TPD52: variants seen among roughly 807,000 people sequenced by gnomAD.
TPD52 encodes tumor protein D52.
Under a neutral mutation model 31.3 loss-of-function variants are expected in TPD52, and 17 were observed. The ratio of observed to expected loss-of-function variants is 0.54; its 90% confidence interval spans 0.37 to 0.82. TPD52 has a LOEUF of 0.82. Among genes scored for constraint, TPD52 ranks in the 40% least tolerant of loss-of-function variants. The probability of loss-of-function intolerance (pLI) is 0.00; values close to 1 mark genes in which losing one functional copy is unlikely to be tolerated. For missense variants in TPD52, 212 were observed against 240.1 expected (o/e 0.88, Z 0.77); for synonymous variants, 83 against 89.6 (o/e 0.93, Z 0.42).
intron 1 of TPD52, among the ~76,000 whole-genome samples, chr8:80,072,574 T>G (rs1427955833): frequency 1.2e-5 from 1 of 80,110 alleles, no homozygotes; most frequent in Non-Finnish European, 2.3e-5. Context: ...CACATAGATA[T>G]GCGTGTATAT....
intron 1 of TPD52, among the ~76,000 whole-genome samples, chr8:80,110,583 TA>T (rs1468619914): frequency 1.8e-5 from 2 of 111,408 alleles, no homozygotes; most frequent in Non-Finnish European, 3.8e-5. Context: ...AATAAATAAA[TA>T]AATAAATGAA....
chr8:80,044,078 T>G (rs1193497819), intron 6 of TPD52, 89 bp downstream of exon 6: 15 of 1,125,354 alleles, frequency 1.3e-5, no homozygotes, highest in Non-Finnish European at 1.8e-5. Flanking sequence ...GGAATTCTAG[T>G]TCCCTAATTC....
chr8:80,074,507 G>A (rs749690901), intron 1 of TPD52, among the ~76,000 whole-genome samples: 32 of 152,174 alleles, frequency 2.1e-4, no homozygotes, highest in Non-Finnish European at 3.4e-4. Context: ...TCTCAGGCAC[G>A]GCACCACGGG....
At chr8:80,167,863 C>A (rs1427282225) in intron 1 of TPD52, among the ~76,000 whole-genome samples, 5 of 152,094 alleles carry the variant, frequency 3.3e-5, no homozygotes, top group Admixed American at 6.6e-5. Context: ...TAGTGGGCTA[C>A]GTGACTGTCA....
intron 1 of TPD52, among the ~76,000 whole-genome samples, chr8:80,156,158 C>G (rs1810960148): frequency 6.6e-6 from 1 of 152,150 alleles, no homozygotes; most frequent in Non-Finnish European, 1.5e-5. Context: ...CTAGGGGCAT[C>G]TGAAGGTGCA....
chr8:80,167,764 T>C (rs1811810674), intron 1 of TPD52, among the ~76,000 whole-genome samples: 1 of 152,240 alleles, frequency 6.6e-6, no homozygotes, highest in South Asian at 2.1e-4. Flanking sequence ...GCCTTTCCTC[T>C]CTAGTTTTTT....
At chr8:80,162,840 C>T (rs959668458) in intron 1 of TPD52, among the ~76,000 whole-genome samples, 1 of 149,748 alleles carries the variant, frequency 6.7e-6, no homozygotes, top group African/African-American at 2.5e-5. Context: ...GCAGGAGGAT[C>T]ACTTGAGCCC....
At chr8:80,067,334 A>G (rs890694595) in intron 1 of TPD52, 1 of 152,198 alleles carries the variant, frequency 6.6e-6, no homozygotes, top group Non-Finnish European at 1.5e-5. Context: ...GCAAATCATT[A>G]TCATTAAAAT....
chr8:80,052,750 A>G lies in TPD52; in HGVS notation c.284+532T>C. On this transcript the variant is annotated intron_variant, in intron 3 of 7. Coordinates refer to ENST00000518937, the MANE Select transcript of TPD52 (RefSeq NM_001025253.3). The stretch of plus-strand genomic sequence containing the variant: ...GTGTGGTCAAAAAGACAAAAAGCCT[A>G]AGGGATTGACCTCTGCCAAGAGCAT... 4.5e-6 allele frequency: 5 copies of G among 1,106,588 alleles called. No homozygotes were observed. In the South Asian group the frequency reaches 5.3e-5, roughly 12 times the overall value. The allele number at this position is 1,106,588 out of a possible 1,614,324, so 68.5% of individuals were successfully genotyped here.
rs2130406824 is a variant in TPD52, at chr8:80,042,943, G to A, written c.456-275C>T. 3 of 258,244 alleles carry A rather than the reference G, an allele frequency of 1.2e-5. No homozygotes were observed. The South Asian group carries it at 3.8e-4, about 33-fold the overall frequency. 16.0% of individuals were successfully genotyped at this position (258,244 alleles called of 1,614,324 possible). A position where few individuals can be genotyped will look rare whatever the true frequency, so the allele number is the denominator to read the frequency against. On this transcript the variant is annotated intron_variant, in intron 6 of 7. Coordinates refer to ENST00000518937, the MANE Select transcript of TPD52 (RefSeq NM_001025253.3). ...ATGGTCAAGTACGTGTGTAAGGAGA[G>A]GTAACGAAGCCGGGTAAAATAGCAA...
chr8:80,164,898 CAAAAAAAAAAAAAAAAAA>C (rs34027501), intron 1 of TPD52, among the ~76,000 whole-genome samples: 1 of 31,908 alleles, frequency 3.1e-5, no homozygotes, highest in African/African-American at 1.1e-4. Flanking sequence ...GACAATGTCT[CAAAAAAAAAAAAAAAAAA>C]AAAAAAAAAA....
At chr8:80,126,775 G>A (rs561146105) in intron 1 of TPD52, among the ~76,000 whole-genome samples, 3 of 152,052 alleles carry the variant, frequency 2.0e-5, no homozygotes, top group South Asian at 2.1e-4. Context: ...GAGCCACCAC[G>A]CCCAGCCAAA....
At chr8:80,141,829 G>C (rs1809848987) in intron 1 of TPD52, among the ~76,000 whole-genome samples, 1 of 151,982 alleles carries the variant, frequency 6.6e-6, no homozygotes, top group African/African-American at 2.4e-5. Flanking sequence ...AGAATCACTT[G>C]AACCCAGGAG....
intron 1 of TPD52, among the ~76,000 whole-genome samples, chr8:80,077,134 A>G (rs113197348): frequency 0.034 from 5,134 of 152,070 alleles, 127 homozygotes; most frequent in African/African-American, 0.069. Context: ...AATTAGCACG[A>G]TGTGGTGACG....
rs1190155495 is a variant in TPD52, at chr8:80,053,182, G to A, written c.284+100C>T. The A allele has an allele frequency of 2.3e-6, 3 of 1,325,736 alleles. No homozygotes were observed. The East Asian group carries it at 7.6e-5, about 34-fold the overall frequency. 82.1% of individuals were successfully genotyped at this position (1,325,736 alleles called of 1,614,324 possible). A position where few individuals can be genotyped will look rare whatever the true frequency, so the allele number is the denominator to read the frequency against. On this transcript the variant is annotated intron_variant, in intron 3 of 7. Transcript: ENST00000518937. ...GTGCCGTGTCGTCCAAAGAAAAGCT[G>A]CTGAAGCATCCTTATCCTCTTTTTC...
At position 80,150,843 on chromosome 8, in the gene TPD52, A is replaced by G. The variant is rs868437445; in HGVS notation, c.19+20582T>C. On this transcript the variant is annotated intron_variant, in intron 1 of 7. Coordinates refer to ENST00000518937, the MANE Select transcript of TPD52 (RefSeq NM_001025253.3). Reference sequence around the variant, plus strand: ...AGGTGGAAAGGACTTGCCTTGTCTCAGATGAGACTTTAGACCGTGGACTTT... The same window carrying G: ...AGGTGGAAAGGACTTGCCTTGTCTCGGATGAGACTTTAGACCGTGGACTTT... Among the ~76,000 whole-genome samples the G allele has an allele frequency of 3.3e-5, 5 of 152,360 alleles. No individual in the cohort carries two copies. In the Middle Eastern group the frequency reaches 0.017, roughly 518 times the overall value.
chr8:80,171,422 C>T lies in TPD52; in HGVS notation c.19+3G>A. 6 of 1,596,386 alleles carry T rather than the reference C, an allele frequency of 3.8e-6. No homozygotes were observed. Among genetic ancestry groups the T allele is most frequent in the Non-Finnish European group, 5.1e-6 (6 of 1,177,926 alleles). On this transcript the variant is annotated splice_donor_region_variant and intron_variant, in intron 1 of 7. Coordinates refer to ENST00000518937, the MANE Select transcript of TPD52 (RefSeq NM_001025253.3). ...CCCAAGCCCGCTGGGTCCGCGCCCT[C>T]ACCTTGCTCGCCGCGGTCCATGTCT...
At chr8:80,149,669 C>T (rs1056927033) in intron 1 of TPD52, among the ~76,000 whole-genome samples, 1 of 152,110 alleles carries the variant, frequency 6.6e-6, no homozygotes, top group Non-Finnish European at 1.5e-5. Context: ...TCCAGGCTGA[C>T]GTGGTTTCAG....
At chr8:80,145,675 T>C (rs1810143556) in intron 1 of TPD52, among the ~76,000 whole-genome samples, 1 of 152,154 alleles carries the variant, frequency 6.6e-6, no homozygotes, top group Admixed American at 6.5e-5. Flanking sequence ...GGGAACTAAT[T>C]AGGAATATGT....
Sources: allele counts gnomAD v4.1 joint callset (sites outside exome capture counted in the v4.1 genomes callset), GRCh38; gene constraint gnomAD v4.1.1; transcripts MANE v1.5; gene names NCBI Gene and HGNC (gene_info 2026-07-23, HGNC 2026-07-21).